Variants in ACTN1 observed in about 807,000 individuals in gnomAD.
ACTN1 encodes alpha-actinin-1.
A neutral mutation model predicts 119.6 loss-of-function variants in ACTN1; 30 were observed. That is an observed-to-expected ratio of 0.25 (90% CI 0.19 to 0.34). The LOEUF is 0.34. Ranked by LOEUF, ACTN1 falls within the 10% of genes least tolerant of loss-of-function variation. ACTN1 has a pLI of 1.00. For synonymous variants in ACTN1, 429 were observed against 472.6 expected (o/e 0.91, Z 1.20); for missense variants, 764 against 1,223.4 (o/e 0.62, Z 5.60).
At chr14:68,972,653 A>G (rs532301669) in intron 1 of ACTN1, among the ~76,000 whole-genome samples, 16 of 152,290 alleles carry the variant, frequency 1.1e-4, no homozygotes, top group Admixed American at 2.6e-4. Context: ...CTTGGGTTAA[A>G]TGTTCTACCC....
chr14:68,972,046 C>A (rs546382220), intron 1 of ACTN1, among the ~76,000 whole-genome samples: 1 of 152,132 alleles, frequency 6.6e-6, no homozygotes, highest in Non-Finnish European at 1.5e-5. Context: ...TCCCACCCTG[C>A]CAACCCTGGG....
chr14:68,933,956 T>C (rs1320575447), intron 1 of ACTN1, among the ~76,000 whole-genome samples: 4 of 146,634 alleles, frequency 2.7e-5, no homozygotes, highest in African/African-American at 1.0e-4. Flanking sequence ...CAACCTGGGG[T>C]GACAGAGTGA....
In ACTN1 at chr14:68,909,589, T is replaced by TG. The variant is rs958099793; in HGVS notation, c.516-194dup. Among the ~76,000 whole-genome samples the TG allele has an allele frequency of 2.0e-4, 30 of 151,926 alleles. No homozygotes were observed. The highest frequency in any genetic ancestry group is 3.9e-4 in the East Asian group (2 of 5,180). ...CCCAGGCACTAGGGTCAAGACTTTG[T>TG]GGGGGGGTTGACAAGTTCAGATAAA... is the stretch of plus-strand genomic sequence containing the variant. On this transcript the variant is annotated intron_variant, in intron 5 of 21. Coordinates refer to ENST00000394419, the MANE Select transcript of ACTN1 (RefSeq NM_001130004.2). This position sits in a 1 kb window ranked among gnomAD's most constrained non-coding sequence, Gnocchi z 4.1.
At chr14:68,942,214 C>CA (rs1424424570) in intron 1 of ACTN1, among the ~76,000 whole-genome samples, 5 of 151,990 alleles carry the variant, frequency 3.3e-5, no homozygotes, top group Non-Finnish European at 7.4e-5. Context: ...TCTGTCTCTA[C>CA]AAAAAATTTA....
Position 68,885,850 on chromosome 14 carries a change from G to A in ACTN1, c.1235-275C>T, listed in dbSNP as rs527445953. ...GCAGGAGTCTGTGGGAATGCATAGG[G>A]CATGACGCTATACACACAGCGGGAA... On this transcript the variant is annotated intron_variant, in intron 11 of 21. Coordinates refer to ENST00000394419, the MANE Select transcript of ACTN1 (RefSeq NM_001130004.2). The surrounding 1 kb of genome is among the most constrained non-coding windows in gnomAD (Gnocchi z 5.6). The A allele has an allele frequency of 9.3e-6, 4 of 429,036 alleles. No homozygotes were observed. The South Asian group carries it at 1.3e-4, about 14-fold the overall frequency. 26.6% of individuals were successfully genotyped at this position (429,036 alleles called of 1,614,324 possible). A position where few individuals can be genotyped will look rare whatever the true frequency, so the allele number is the denominator to read the frequency against.
At chr14:68,888,384 G>A (rs550555077) in intron 11 of ACTN1, 11 of 257,478 alleles carry the variant, frequency 4.3e-5, no homozygotes, top group Middle Eastern at 1.4e-3. Context: ...AGCTGGACCC[G>A]ACAGAAGCAT....
In ACTN1 at chr14:68,880,908, C is replaced by A; in HGVS notation, c.2035G>T (p.Val679Phe). Residue 679 changes from valine (V) to phenylalanine (F), a missense_variant, in exon 17 of 22, where the codon GTC becomes TTC. Val to Phe is a conservative substitution (Grantham distance 50). This residue lies in a region of ACTN1 where 544 missense variants were observed against 912.0 expected (regional missense o/e 0.60). Coordinates refer to ENST00000394419, the MANE Select transcript of ACTN1 (RefSeq NM_001130004.2). The surrounding 1 kb of genome is among the most constrained non-coding windows in gnomAD (Gnocchi z 4.6). ...SHLRQYEKSI[V>F]NYKPKIDQLE... ...TGATCAATCTTTGGCTTGTAGTTGACGATGCTCTTCTCATACTGCCGCAGG... is the reference window on the plus strand; with the variant it reads ...TGATCAATCTTTGGCTTGTAGTTGAAGATGCTCTTCTCATACTGCCGCAGG... 1 of 1,614,096 alleles carries A rather than the reference C, an allele frequency of 6.2e-7. No individual in the cohort carries two copies. Among genetic ancestry groups the A allele is most frequent in the Non-Finnish European group, 8.5e-7 (1 of 1,180,000 alleles).
In ACTN1 at chr14:68,877,091, A is replaced by T; in HGVS notation, c.2577T>A (p.Ala859=). The change falls in exon 21 of 22, where the codon GCT becomes GCA. Residue 859 remains alanine (A), a synonymous_variant. Transcript: ENST00000394419. ...CCCATAGGACACCCACCTTGTCCCC[A>T]GCCAGGATCTTGAAGGAAGCCATGA... ...DQVMASFKIL[A]GDKNYITMDE... 6.2e-7 allele frequency: 1 copy of T among 1,614,092 alleles called. No homozygotes were observed. The highest frequency in any genetic ancestry group is 1.1e-5 in the South Asian group (1 of 91,066).
intron 1 of ACTN1, among the ~76,000 whole-genome samples, chr14:68,970,924 T>C (rs1011741059): frequency 5.9e-5 from 9 of 152,188 alleles, no homozygotes; most frequent in African/African-American, 2.2e-4. Context: ...TGAGCCTTAC[T>C]TTCCCTGCAT....
chr14:68,902,366 C>A (rs1465733880), intron 8 of ACTN1, 111 bp downstream of exon 8: 1 of 941,640 alleles, frequency 1.1e-6, no homozygotes, highest in East Asian at 2.5e-5. Flanking sequence ...TCCGAGAGAC[C>A]AGACCATCCA....
chr14:68,885,560 A>G lies in ACTN1; in HGVS notation c.1250T>C (p.Leu417Pro). ...EAWTDGKEAM[L>P]RQKDYETATL... Reference sequence around the variant, plus strand: ...GGCGGTCTCATAGTCCTTCTGTCGCAGCATGGCCTCTTTGCCTGGGTTGAG... The same window carrying G: ...GGCGGTCTCATAGTCCTTCTGTCGCGGCATGGCCTCTTTGCCTGGGTTGAG... The change falls in exon 12 of 22, where the codon CTG becomes CCG. Residue 417 changes from leucine (L) to proline (P), a missense_variant. Leu to Pro is a moderately conservative substitution (Grantham distance 98). Around this residue, in one of 4 missense-constraint regions of ACTN1, gnomAD observed 544 missense variants for 912.0 expected, o/e 0.60. Coordinates refer to ENST00000394419, the MANE Select transcript of ACTN1 (RefSeq NM_001130004.2). The surrounding 1 kb of genome is among the most constrained non-coding windows in gnomAD (Gnocchi z 5.6). 1 of 1,613,532 alleles carries G rather than the reference A, an allele frequency of 6.2e-7. No individual in the cohort carries two copies. The highest frequency in any genetic ancestry group is 8.5e-7 in the Non-Finnish European group (1 of 1,179,958).
At chr14:68,977,551 C>T in intron 1 of ACTN1, 1 of 212,244 alleles carries the variant, frequency 4.7e-6, no homozygotes, top group Non-Finnish European at 9.6e-6. Flanking sequence ...TTGAGGAAGC[C>T]CATTGTGTGT....
intron 1 of ACTN1, among the ~76,000 whole-genome samples, chr14:68,967,736 A>G (rs1195921739): frequency 6.6e-6 from 1 of 152,222 alleles, no homozygotes; most frequent in Non-Finnish European, 1.5e-5. Flanking sequence ...ACAGGGACAA[A>G]GGCCACTCAA....
intron 14 of ACTN1, 44 bp from the exon 15 acceptor site, chr14:68,883,099 C>T (rs779417401): frequency 8.0e-5 from 128 of 1,593,190 alleles, no homozygotes; most frequent in Middle Eastern, 5.9e-4. Flanking sequence ...ACAAAGGGAG[C>T]GCTAGAAGTG....
intron 1 of ACTN1, among the ~76,000 whole-genome samples, chr14:68,946,499 G>A (rs1007625843): frequency 6.6e-6 from 1 of 152,118 alleles, no homozygotes; most frequent in Non-Finnish European, 1.5e-5. Context: ...AGAGGAAGAG[G>A]GGAGAAGTGG....
rs753512422 is a variant in ACTN1 at position 68,878,591 on chromosome 14, G to A, written c.2362-68C>T. The A allele has an allele frequency of 6.2e-7, 1 of 1,602,940 alleles. No individual in the cohort carries two copies. The highest frequency in any genetic ancestry group is 8.5e-7 in the Non-Finnish European group (1 of 1,174,786). On this transcript the variant is annotated intron_variant, in intron 19 of 21. Transcript: ENST00000394419. The surrounding 1 kb of genome is among the most constrained non-coding windows in gnomAD (Gnocchi z 4.4). ...GGCAGGAAGAGGAAGGGCCGGCCCG[G>A]GGCCAGGAAGACAGGAACAGATGGC...
intron 2 of ACTN1, among the ~76,000 whole-genome samples, chr14:68,922,128 G>A (rs1009448568): frequency 2.9e-4 from 44 of 152,116 alleles, no homozygotes; most frequent in African/African-American, 8.7e-4. Context: ...AACCACCATC[G>A]CAGAGCCTGG....
intron 1 of ACTN1, chr14:68,978,641 G>C: frequency 3.5e-6 from 1 of 286,128 alleles, no homozygotes; most frequent in South Asian, 4.9e-5. Context: ...CCCGAGCACA[G>C]CCCACGCGGG....
rs1002120537 is a variant in ACTN1, at chr14:68,885,469, G to T, written c.1341C>A (p.His447Gln). ...HEAFESDLAA[H>Q]QDRVEQIAAI... ...CGGCAATCTGCTCCACACGGTCCTG[G>T]TGGGCAGCCAGGTCACTCTCGAAGG... Residue 447 changes from histidine (H) to glutamine (Q), a missense_variant, in exon 12 of 22, where the codon CAC becomes CAA. By Grantham distance (24) the His-to-Gln change is conservative. Coordinates refer to ENST00000394419, the MANE Select transcript of ACTN1 (RefSeq NM_001130004.2). This position sits in a 1 kb window ranked among gnomAD's most constrained non-coding sequence, Gnocchi z 5.6. 1.2e-6 allele frequency: 2 copies of T among 1,614,100 alleles called. No individual in the cohort carries two copies. Among genetic ancestry groups the T allele is most frequent in the Non-Finnish European group, 1.7e-6 (2 of 1,180,022 alleles).
Sources: gnomAD v4.1 joint callset for allele counts (sites outside exome capture counted in the v4.1 genomes callset) on GRCh38, gnomAD v4.1.1 for gene constraint, gnomAD v4.1.1 regional missense constraint, Gnocchi (gnomAD v3.1) non-coding constraint, MANE v1.5 for transcripts, NCBI Gene and HGNC (gene_info 2026-07-23, HGNC 2026-07-21) for gene names.